The following FRMPD4 variants were observed in gnomAD, a reference collection of about 807,000 sequenced individuals.
FRMPD4 encodes FERM and PDZ domain containing 4, also known as FERM and PDZ domain-containing protein 4.
A neutral mutation model predicts 94.1 loss-of-function variants in FRMPD4; 22 were observed. The ratio of observed to expected loss-of-function variants is 0.23; its 90% CI spans 0.17 to 0.33. The LOEUF (loss-of-function observed/expected upper bound fraction) is 0.33, where lower values mean the gene tolerates loss of function less well. FRMPD4 is among the 10% of genes least tolerant of loss of function. The probability of loss-of-function intolerance (pLI) is 1.00; values close to 1 mark genes in which losing one functional copy is unlikely to be tolerated. For synonymous variants in FRMPD4, 631 were observed against 548.6 expected (o/e 1.15, Z -2.10); for missense variants, 1,111 against 1,339.9 (o/e 0.83, Z 2.67).
rs1036285123 is a variant in FRMPD4 at position 12,097,637 on chromosome X, C to A, written c.95+219619C>A. Among the ~76,000 whole-genome samples the A allele has an allele frequency of 2.7e-5, 3 of 112,222 alleles. No homozygotes were observed. The Admixed American group carries it at 2.8e-4, about 11-fold the overall frequency. Reference sequence around the variant, plus strand: ...GTCTCTATAGATTTGCGATTCTGAACATTTTATGTAAATAGAACAATGCAA... The same window carrying A: ...GTCTCTATAGATTTGCGATTCTGAAAATTTTATGTAAATAGAACAATGCAA... On this transcript the variant is annotated intron_variant, in intron 3 of 18. Coordinates refer to the FRMPD4 transcript ENST00000640291.
intron 3 of FRMPD4, among the ~76,000 whole-genome samples, chrX:11,946,596 GGC>G (rs1491334613): frequency 2.2e-4 from 25 of 111,236 alleles, no homozygotes; most frequent in Non-Finnish European, 4.5e-4. Flanking sequence ...CTGGGCTAAG[GGC>G]TGCCTAGGTA....
intron 3 of FRMPD4, among the ~76,000 whole-genome samples, chrX:12,065,802 T>G (rs1270718998): frequency 1.8e-5 from 2 of 112,443 alleles, no homozygotes; most frequent in Non-Finnish European, 3.8e-5. Flanking sequence ...TCGAAGTAAT[T>G]TTAATGTTTA....
chrX:12,281,744 A>G (rs2054529764), intron 1 of FRMPD4, among the ~76,000 whole-genome samples: 1 of 111,590 alleles, frequency 9.0e-6, no homozygotes, highest in African/African-American at 3.3e-5. Flanking sequence ...TAGTAATGGG[A>G]TTTCCTCTGT....
intron 3 of FRMPD4, among the ~76,000 whole-genome samples, chrX:12,028,358 T>C (rs1026069260): frequency 8.9e-6 from 1 of 111,870 alleles, no homozygotes; most frequent in Non-Finnish European, 1.9e-5. Flanking sequence ...ACAGCAAGAC[T>C]GGGAGGAAGT....
intron 3 of FRMPD4, among the ~76,000 whole-genome samples, chrX:12,066,675 C>T (rs767471072): frequency 9.2e-5 from 10 of 109,031 alleles, no homozygotes; most frequent in Non-Finnish European, 1.5e-4. Context: ...TGTAGACCAC[C>T]TAAGTTCCCC....
intron 3 of FRMPD4, among the ~76,000 whole-genome samples, chrX:11,988,905 A>G (rs1430919610): frequency 1.8e-5 from 2 of 111,963 alleles, no homozygotes; most frequent in African/African-American, 3.2e-5. Context: ...CTACAACGAG[A>G]TATCATATCA....
chrX:11,904,957 C>T (rs1283269639), intron 3 of FRMPD4, among the ~76,000 whole-genome samples: 1 of 112,297 alleles, frequency 8.9e-6, no homozygotes, highest in African/African-American at 3.2e-5. Flanking sequence ...GGGCATTTCC[C>T]CTTCTTCTTT....
At chrX:12,453,338 A>G (rs1171033592) in intron 1 of FRMPD4, among the ~76,000 whole-genome samples, 3 of 112,085 alleles carry the variant, frequency 2.7e-5, no homozygotes, top group Non-Finnish European at 5.6e-5. Flanking sequence ...AGAGAAAAAA[A>G]ATGAGGGAAT....
At chrX:12,447,514 T>G (rs2057212514) in intron 1 of FRMPD4, among the ~76,000 whole-genome samples, 1 of 112,152 alleles carries the variant, frequency 8.9e-6, no homozygotes, top group African/African-American at 3.2e-5. Flanking sequence ...GAATTTCATG[T>G]AAGAACAGGC....
In FRMPD4 at chrX:12,718,688, C is replaced by A. The variant is rs757533408; in HGVS notation, c.3862C>A (p.Arg1288=). The A allele has an allele frequency of 8.3e-7, 1 of 1,205,795 alleles. No homozygotes were observed. The highest frequency in any genetic ancestry group is 1.8e-5 in the South Asian group (1 of 56,692). The change falls in exon 16 of 17, where the codon CGG becomes AGG. Residue 1288 remains arginine (R), a synonymous_variant. Coordinates refer to ENST00000675598, the MANE Select transcript of FRMPD4 (RefSeq NM_001368397.1). ...LHPQTEGMCP[R]MTVPALHTAI... is the part of the protein sequence containing the mutation. Reference sequence around the variant, plus strand: ...CCCACAGACAGAAGGGATGTGTCCACGGATGACAGTGCCTGCTCTGCACAC... The same window carrying A: ...CCCACAGACAGAAGGGATGTGTCCAAGGATGACAGTGCCTGCTCTGCACAC...
chrX:12,013,120 G>A (rs2054588903), intron 3 of FRMPD4, among the ~76,000 whole-genome samples: 1 of 111,955 alleles, frequency 8.9e-6, no homozygotes, highest in African/African-American at 3.2e-5. Context: ...TCATTAAGCA[G>A]TGTCTTGGAT....
intron 1 of FRMPD4, among the ~76,000 whole-genome samples, chrX:12,207,504 T>TA (rs1464068068): frequency 9.1e-6 from 1 of 110,346 alleles, no homozygotes; most frequent in Non-Finnish European, 1.9e-5. Flanking sequence ...TTATAAACTG[T>TA]AAAAATCGTT....
intron 1 of FRMPD4, among the ~76,000 whole-genome samples, chrX:12,401,240 A>C (rs986247713): frequency 1.8e-4 from 20 of 110,783 alleles, no homozygotes; most frequent in Admixed American, 5.8e-4. Flanking sequence ...GAGACTTAAG[A>C]AGTGAGTTAA....
At chrX:12,320,845 C>G (rs1213960243) in intron 1 of FRMPD4, among the ~76,000 whole-genome samples, 1 of 111,446 alleles carries the variant, frequency 9.0e-6, no homozygotes, top group East Asian at 2.8e-4. Flanking sequence ...GAAAGAATAA[C>G]TAAAAACTGA....
intron 1 of FRMPD4, among the ~76,000 whole-genome samples, chrX:12,454,874 C>T (rs1376647644): frequency 9.4e-6 from 1 of 106,239 alleles, no homozygotes; most frequent in Non-Finnish European, 1.9e-5. Flanking sequence ...ACTATAACCT[C>T]ATCATCTTTT....
At chrX:12,052,023 G>A (rs1381073652) in intron 3 of FRMPD4, among the ~76,000 whole-genome samples, 1 of 111,789 alleles carries the variant, frequency 8.9e-6, no homozygotes, top group African/African-American at 3.2e-5. Context: ...TTATTAAATG[G>A]AGCCAGCAAT....
intron 3 of FRMPD4, among the ~76,000 whole-genome samples, chrX:12,091,958 G>A (rs914583802): frequency 1.8e-5 from 2 of 111,681 alleles, no homozygotes; most frequent in South Asian, 3.8e-4. Flanking sequence ...TAACAACAAC[G>A]ATGATTATGG....
At chrX:12,253,512 A>G (rs1601744075) in intron 1 of FRMPD4, among the ~76,000 whole-genome samples, 1 of 112,102 alleles carries the variant, frequency 8.9e-6, no homozygotes, top group Non-Finnish European at 1.9e-5. Flanking sequence ...AGTCAAATAT[A>G]CCACAGCTAA....
At chrX:12,137,658 A>C (rs1289733392), upstream of FRMPD4, among the ~76,000 whole-genome samples, 1 of 112,091 alleles carries the variant, frequency 8.9e-6, no homozygotes, top group Non-Finnish European at 1.9e-5. Context: ...GCCTCCCAGG[A>C]GGTAGAACTG....
Sources: gnomAD v4.1 joint callset for allele counts (sites outside exome capture counted in the v4.1 genomes callset) on GRCh38, gnomAD v4.1.1 for gene constraint, MANE v1.5 for transcripts, NCBI Gene and HGNC (gene_info 2026-07-23, HGNC 2026-07-21) for gene names.